Variants in FAM210A observed in about 807,000 individuals in gnomAD.
FAM210A encodes the protein mitochondrial inner membrane scaffold 1, also known as family with sequence similarity 210 member A.
A neutral mutation model predicts 25.3 loss-of-function variants in FAM210A; 13 were observed. The observed-to-expected ratio is 0.51, with a 90% confidence interval of 0.33 to 0.82. The LOEUF (loss-of-function observed/expected upper bound fraction) is 0.82, where lower values mean the gene tolerates loss of function less well. FAM210A is among the 40% of genes least tolerant of loss of function. FAM210A has a pLI of 0.02. For synonymous variants in FAM210A, 125 were observed against 118.7 expected, an observed-to-expected ratio of 1.05 and a Z score of -0.35; for missense variants, 319 against 323.2, an observed-to-expected ratio of 0.99 and a Z score of 0.10.
chr18:13,714,983 T>A (rs933929942), intron 1 of FAM210A: 3 of 152,176 alleles, frequency 2.0e-5, no homozygotes, highest in Non-Finnish European at 2.9e-5. Flanking sequence ...ATTACTAGGT[T>A]AGTGAAGATA....
At chr18:13,684,220 C>A (rs2043577520) in intron 1 of FAM210A, among the ~76,000 whole-genome samples, 1 of 152,080 alleles carries the variant, frequency 6.6e-6, no homozygotes, top group Non-Finnish European at 1.5e-5. Flanking sequence ...CATGGTGAAA[C>A]CCCATCTCTC....
intron 1 of FAM210A, among the ~76,000 whole-genome samples, chr18:13,695,941 T>A (rs769716783): frequency 7.2e-5 from 11 of 152,214 alleles, no homozygotes; most frequent in Non-Finnish European, 1.5e-4. Context: ...ACTGTCTTTA[T>A]AGATACTAGC....
intron 1 of FAM210A, among the ~76,000 whole-genome samples, chr18:13,725,963 T>C (rs1201999876): frequency 6.6e-6 from 1 of 152,216 alleles, no homozygotes; most frequent in Non-Finnish European, 1.5e-5. Context: ...AAGAAATTGC[T>C]AATTTTAAAA....
chr18:13,714,574 T>G (rs1446260705), intron 1 of FAM210A, among the ~76,000 whole-genome samples: 1 of 150,998 alleles, frequency 6.6e-6, no homozygotes, highest in Non-Finnish European at 1.5e-5. Context: ...ACTCAGTTGC[T>G]TCTGAAACTG....
At chr18:13,686,066 G>C (rs532026126) in intron 1 of FAM210A, among the ~76,000 whole-genome samples, 4 of 151,964 alleles carry the variant, frequency 2.6e-5, no homozygotes, top group African/African-American at 9.7e-5. Context: ...TAAATCTCTA[G>C]CCAAGATAAA....
At chr18:13,698,940 C>T (rs2043717488) in intron 1 of FAM210A, among the ~76,000 whole-genome samples, 2 of 152,106 alleles carry the variant, frequency 1.3e-5, no homozygotes, top group African/African-American at 2.4e-5. Flanking sequence ...GCTGTAGAGC[C>T]GCCCTCTTTC....
intron 1 of FAM210A, among the ~76,000 whole-genome samples, chr18:13,717,562 A>T (rs2043870958): frequency 6.6e-6 from 1 of 151,956 alleles, no homozygotes; most frequent in Non-Finnish European, 1.5e-5. Flanking sequence ...GACTGTGAAA[A>T]GAAAGGAAAA....
chr18:13,720,426 C>A (rs907630861), intron 1 of FAM210A, among the ~76,000 whole-genome samples: 1 of 152,176 alleles, frequency 6.6e-6, no homozygotes, highest in Admixed American at 6.5e-5. Flanking sequence ...AGGAATTTGT[C>A]ATCTCCAAAA....
In FAM210A at chr18:13,695,911, G is replaced by T. The variant is rs569418859; in HGVS notation, c.-28-13806C>A. Among the ~76,000 whole-genome samples the T allele has an allele frequency of 3.9e-5, 6 of 152,122 alleles. No individual in the cohort carries two copies. The South Asian group carries it at 1.2e-3, about 32-fold the overall frequency. Reference sequence around the variant, plus strand: ...ATATGCAAGTACAGTGATTTTATAAGATCAAATATATAAAAGTTAACTGTC... The same window carrying T: ...ATATGCAAGTACAGTGATTTTATAATATCAAATATATAAAAGTTAACTGTC... On this transcript the variant is annotated intron_variant, in intron 1 of 3. Coordinates refer to ENST00000651643, the MANE Select transcript of FAM210A (RefSeq NM_152352.4).
chr18:13,669,092 AG>A (rs2043423022), intron 3 of FAM210A, among the ~76,000 whole-genome samples: 1 of 152,204 alleles, frequency 6.6e-6, no homozygotes, highest in Admixed American at 6.5e-5. Flanking sequence ...CCAAACCATC[AG>A]AAAACCCCAG....
intron 2 of FAM210A, among the ~76,000 whole-genome samples, chr18:13,672,692 G>A (rs1055556396): frequency 3.9e-5 from 6 of 152,168 alleles, no homozygotes; most frequent in Non-Finnish European, 8.8e-5. Flanking sequence ...ACAGGCATGA[G>A]CCACAGTGCC....
In FAM210A at chr18:13,667,868, T is replaced by C. The variant is rs536724708; in HGVS notation, c.586-1155A>G. On this transcript the variant is annotated intron_variant, in intron 3 of 3. Transcript: ENST00000651643. ...CAACATAATGAGACCCTGCCATCTC[T>C]TAAAACACAAAGAAAAAGAAAGAAG... Among the ~76,000 whole-genome samples the C allele has an allele frequency of 2.0e-5, 3 of 152,252 alleles. No homozygotes were observed. The East Asian group carries it at 5.8e-4, about 29-fold the overall frequency.
chr18:13,676,944 C>T (rs973066032), intron 2 of FAM210A, among the ~76,000 whole-genome samples: 5 of 152,092 alleles, frequency 3.3e-5, no homozygotes, highest in African/African-American at 9.7e-5. Context: ...TGCAGCAGGA[C>T]GAGCTGCAGA....
At chr18:13,685,233 T>C (rs2043586781) in intron 1 of FAM210A, among the ~76,000 whole-genome samples, 1 of 151,474 alleles carries the variant, frequency 6.6e-6, no homozygotes, top group Admixed American at 6.6e-5. Context: ...GAGAAGGAAA[T>C]CAAAATATCT....
chr18:13,705,815 C>A (rs532299478), intron 1 of FAM210A, among the ~76,000 whole-genome samples: 1 of 152,162 alleles, frequency 6.6e-6, no homozygotes, highest in Non-Finnish European at 1.5e-5. Flanking sequence ...GTCAAACCCA[C>A]GTGCCTGAGA....
chr18:13,696,263 A>G (rs2043692736), intron 1 of FAM210A, among the ~76,000 whole-genome samples: 1 of 152,230 alleles, frequency 6.6e-6, no homozygotes, highest in African/African-American at 2.4e-5. Context: ...AATACCCAGA[A>G]TAGCCAACAA....
At chr18:13,676,050 GATT>G (rs1050973697) in intron 2 of FAM210A, among the ~76,000 whole-genome samples, 1 of 145,594 alleles carries the variant, frequency 6.9e-6, no homozygotes, top group African/African-American at 2.5e-5. Context: ...CCAGTTTCCT[GATT>G]ATTAACATTC....
chr18:13,691,983 T>C (rs1209808410), intron 1 of FAM210A, among the ~76,000 whole-genome samples: 1 of 136,960 alleles, frequency 7.3e-6, no homozygotes, highest in Non-Finnish European at 1.6e-5. Context: ...TCAAGACCCA[T>C]CAGTGTGCTG....
chr18:13,706,268 A>G (rs1307805472), intron 1 of FAM210A, among the ~76,000 whole-genome samples: 1 of 151,470 alleles, frequency 6.6e-6, no homozygotes. Context: ...CCAAGATCAC[A>G]GATGAAGAGT....
Sources: allele counts gnomAD v4.1 joint callset (sites outside exome capture counted in the v4.1 genomes callset), GRCh38; gene constraint gnomAD v4.1.1; transcripts MANE v1.5; gene names NCBI Gene and HGNC (gene_info 2026-07-23, HGNC 2026-07-21).